The following PRELID2 variants were observed in gnomAD, a reference collection of about 807,000 sequenced individuals.
PRELID2 encodes PRELI domain-containing protein 2.
In PRELID2, 25 loss-of-function variants were observed where a neutral mutation model predicts 28.4. That is an observed-to-expected ratio of 0.88 (90% CI 0.64 to 1.23). PRELID2 has a LOEUF of 1.23. PRELID2 is among the 50% of genes most tolerant of loss of function. The pLI is 0.00. For missense variants in PRELID2, 201 were observed against 214.4 expected (o/e 0.94, Z 0.39); for synonymous variants, 76 against 71.6 (o/e 1.06, Z -0.31).
chr5:145,689,503 C>T (rs532517396), intron 1 of PRELID2, among the ~76,000 whole-genome samples: 22 of 152,268 alleles, frequency 1.4e-4, no homozygotes, highest in African/African-American at 5.3e-4. Flanking sequence ...ATGTGGTTTG[C>T]AGAGTTCCAG....
At chr5:145,808,366 A>T (rs941774520) in intron 4 of PRELID2, among the ~76,000 whole-genome samples, 1 of 151,864 alleles carries the variant, frequency 6.6e-6, no homozygotes, top group Admixed American at 6.6e-5. Context: ...AACCAAAAAG[A>T]CTCTAGAGCA....
At chr5:145,591,150 G>T (rs1322727422) in intron 1 of PRELID2, among the ~76,000 whole-genome samples, 1 of 152,022 alleles carries the variant, frequency 6.6e-6, no homozygotes, top group Non-Finnish European at 1.5e-5. Context: ...AAAAATATTA[G>T]CTGGGCATGG....
chr5:145,817,752 C>A, intron 4 of PRELID2, 142 bp downstream of exon 4: 1 of 681,250 alleles, frequency 1.5e-6, no homozygotes, highest in Non-Finnish European at 2.1e-6. Context: ...TCATTAATTA[C>A]TGTGATTAAA....
At chr5:145,652,716 C>A (rs1754319679) in intron 1 of PRELID2, among the ~76,000 whole-genome samples, 1 of 152,006 alleles carries the variant, frequency 6.6e-6, no homozygotes, top group Non-Finnish European at 1.5e-5. Flanking sequence ...ATTTTGTGAC[C>A]ACCAGGCCTG....
the PRELID2 span, among the ~76,000 whole-genome samples, chr5:145,431,778 A>G: frequency 6.6e-6 from 1 of 152,230 alleles, no homozygotes; most frequent in African/African-American, 2.4e-5. Flanking sequence ...AGATAAGACA[A>G]CTAAATGCAA....
chr5:145,341,953 T>C, the PRELID2 span, among the ~76,000 whole-genome samples: 4 of 152,182 alleles, frequency 2.6e-5, no homozygotes, highest in Admixed American at 1.3e-4. Context: ...CTACAGCACA[T>C]TGTAGTCAGA....
At chr5:145,811,842 A>G (rs1296349002) in intron 4 of PRELID2, among the ~76,000 whole-genome samples, 1 of 152,198 alleles carries the variant, frequency 6.6e-6, no homozygotes, top group African/African-American at 2.4e-5. Flanking sequence ...AATCATCTGC[A>G]GTAGTGAGTT....
intron 1 of PRELID2, among the ~76,000 whole-genome samples, chr5:145,519,330 G>A (rs1489371294): frequency 1.3e-5 from 2 of 152,118 alleles, no homozygotes; most frequent in African/African-American, 4.8e-5. Context: ...AATAATTGCT[G>A]TGTTAGACAC....
chr5:145,560,387 G>T (rs1425314368), intron 1 of PRELID2, among the ~76,000 whole-genome samples: 1 of 152,210 alleles, frequency 6.6e-6, no homozygotes, highest in African/African-American at 2.4e-5. Context: ...CATAGTAGGT[G>T]CTCAATAATG....
At chr5:145,762,803 C>G (rs1047546281) in intron 6 of PRELID2, among the ~76,000 whole-genome samples, 37 of 152,130 alleles carry the variant, frequency 2.4e-4, no homozygotes, top group Non-Finnish European at 7.3e-5. Flanking sequence ...TATCATTCTT[C>G]CTATTAATCA....
intron 1 of PRELID2, among the ~76,000 whole-genome samples, chr5:145,578,266 C>G (rs1450681422): frequency 6.6e-6 from 1 of 152,092 alleles, no homozygotes; most frequent in East Asian, 1.9e-4. Context: ...AAGCAACCAC[C>G]CATTCTACCT....
chr5:145,692,503 T>C (rs916135477), intron 1 of PRELID2, among the ~76,000 whole-genome samples: 5 of 151,972 alleles, frequency 3.3e-5, no homozygotes, highest in African/African-American at 1.2e-4. Context: ...ATCAGAAGAG[T>C]CTGAGTTGAC....
chr5:145,555,070 C>T lies in PRELID2; in HGVS notation n.71-81755G>A, dbSNP rs369576449. Among the ~76,000 whole-genome samples, 3 of 152,144 alleles carry T rather than the reference C, an allele frequency of 2.0e-5. No individual in the cohort carries two copies. The East Asian group carries it at 5.8e-4, about 29-fold the overall frequency. On this transcript the variant is annotated intron_variant and non_coding_transcript_variant, in intron 1 of 2. Coordinates refer to the PRELID2 transcript ENST00000510259. ...ATATAAGAAAGAGATAAATATTTGC[C>T]CCAATATATAAATAGATAAGTAGAA...
the PRELID2 span, among the ~76,000 whole-genome samples, chr5:145,460,635 T>A: frequency 6.6e-6 from 1 of 152,210 alleles, no homozygotes; most frequent in Non-Finnish European, 1.5e-5. Context: ...GTGCTATACT[T>A]CTTTAATCTT....
chr5:145,633,561 A>T (rs773536190), intron 1 of PRELID2, among the ~76,000 whole-genome samples: 1 of 152,238 alleles, frequency 6.6e-6, no homozygotes, highest in Non-Finnish European at 1.5e-5. Context: ...CAATGATCCT[A>T]CAGGACTGCT....
At chr5:145,306,806 A>G in the PRELID2 span, among the ~76,000 whole-genome samples, 1 of 152,014 alleles carries the variant, frequency 6.6e-6, no homozygotes, top group Non-Finnish European at 1.5e-5. Flanking sequence ...TCACCAGTCC[A>G]TCAACAGAAT....
chr5:145,669,202 G>A (rs1272422696), intron 1 of PRELID2, among the ~76,000 whole-genome samples: 2 of 152,078 alleles, frequency 1.3e-5, no homozygotes, highest in East Asian at 1.9e-4. Context: ...CAGATTATTG[G>A]ATAGGAAACA....
At position 145,759,228 on chromosome 5, in the gene PRELID2, C is replaced by T. The variant is rs1328829181; in HGVS notation, c.*1308G>A. On this transcript the variant is annotated 3_prime_UTR_variant, in exon 7 of 7. Transcript: ENST00000683046. ...ATATTGGCCAGGCTGGTCTCGAACT[C>T]CTGACCTTGTGATCCACCCGCCTCG... The T allele has an allele frequency of 6.6e-6, 1 of 151,972 alleles. No individual in the cohort carries two copies. The highest frequency in any genetic ancestry group is 2.4e-5 in the African/African-American group (1 of 41,374). 9.4% of individuals were successfully genotyped at this position (151,972 alleles called of 1,614,324 possible).
At chr5:145,713,363 T>C (rs1755749109) in intron 1 of PRELID2, among the ~76,000 whole-genome samples, 1 of 138,390 alleles carries the variant, frequency 7.2e-6, no homozygotes, top group Non-Finnish European at 1.5e-5. Flanking sequence ...TATATATATA[T>C]ATATATACTT....
Sources: allele counts gnomAD v4.1 joint callset (sites outside exome capture counted in the v4.1 genomes callset), GRCh38; gene constraint gnomAD v4.1.1; transcripts MANE v1.5; gene names NCBI Gene and HGNC (gene_info 2026-07-23, HGNC 2026-07-21).